The following SUMF1 variants were observed in gnomAD, a reference collection of about 807,000 sequenced individuals.
SUMF1 encodes formylglycine-generating enzyme.
Under a neutral mutation model 47.6 loss-of-function variants are expected in SUMF1, and 48 were observed. That is an observed-to-expected ratio of 1.01 (90% CI 0.80 to 1.28). The LOEUF (loss-of-function observed/expected upper bound fraction) is 1.28. Among genes scored for constraint, SUMF1 ranks in the 50% most tolerant of loss-of-function variants. SUMF1 has a pLI of 0.00. For synonymous variants in SUMF1, 230 were observed against 192.1 expected (o/e 1.20, Z -1.63); for missense variants, 571 against 485.4 (o/e 1.18, Z -1.66).
intron 8 of SUMF1, among the ~76,000 whole-genome samples, chr3:4,323,753 A>T (rs73014278): frequency 0.17 from 26,511 of 152,072 alleles, 2,484 homozygotes; most frequent in Middle Eastern, 0.23. Flanking sequence ...AAAACAAAAC[A>T]TAACTGTGCC....
At chr3:4,435,771 G>C (rs914014398) in intron 3 of SUMF1, among the ~76,000 whole-genome samples, 4 of 152,162 alleles carry the variant, frequency 2.6e-5, no homozygotes, top group Non-Finnish European at 5.9e-5. Flanking sequence ...TGCCAGCTCA[G>C]AAAATTCCCT....
chr3:4,146,422 T>C (rs980578613), intron 8 of SUMF1, among the ~76,000 whole-genome samples: 2 of 151,922 alleles, frequency 1.3e-5, no homozygotes, highest in East Asian at 1.9e-4. Flanking sequence ...GAAAGGTGAA[T>C]GGAGAAGTCT....
chr3:4,313,242 A>G (rs1381999483), intron 8 of SUMF1: 11 of 1,613,994 alleles, frequency 6.8e-6, no homozygotes, highest in Non-Finnish European at 9.3e-6. Flanking sequence ...TTGTCTGTGA[A>G]TATGCTGGTG....
intron 8 of SUMF1, among the ~76,000 whole-genome samples, chr3:4,074,738 G>A (rs1692380865): frequency 6.6e-6 from 1 of 152,024 alleles, no homozygotes; most frequent in African/African-American, 2.4e-5. Flanking sequence ...AGAAAATCTA[G>A]AAGAAATTGA....
intron 8 of SUMF1, among the ~76,000 whole-genome samples, chr3:4,262,096 A>G (rs1481182957): frequency 6.6e-6 from 1 of 152,132 alleles, no homozygotes; most frequent in African/African-American, 2.4e-5. Flanking sequence ...ATAAGCCAAA[A>G]TATGTCTATG....
chr3:4,196,833 C>A lies in SUMF1; in HGVS notation c.1015-128088G>T, dbSNP rs915120638. Among the ~76,000 whole-genome samples, 5 of 152,260 alleles carry A rather than the reference C, an allele frequency of 3.3e-5. No individual in the cohort carries two copies. In the Middle Eastern group the frequency reaches 0.014, roughly 414 times the overall value. On this transcript the variant is annotated intron_variant and NMD_transcript_variant, in intron 8 of 12. Transcript: ENST00000448413. The stretch of plus-strand genomic sequence containing the variant: ...ATTAAATACTAGGGAACCAGTGCCA[C>A]TTTTTGCTTCTTGCTTGCTGTGTTG...
At chr3:4,351,676 A>G (rs934162801) in intron 8 of SUMF1, among the ~76,000 whole-genome samples, 10 of 152,236 alleles carry the variant, frequency 6.6e-5, no homozygotes, top group Non-Finnish European at 1.2e-4. Context: ...TCATTTTAAA[A>G]AAGAAGTGAC....
chr3:4,305,993 T>C (rs1053388832), intron 8 of SUMF1, among the ~76,000 whole-genome samples: 13 of 152,366 alleles, frequency 8.5e-5, no homozygotes, highest in African/African-American at 3.1e-4. Context: ...ACCACTGTTC[T>C]AGTCCATTCT....
intron 9 of SUMF1, among the ~76,000 whole-genome samples, chr3:4,066,633 A>G (rs749049177): frequency 6.6e-6 from 1 of 152,092 alleles, no homozygotes; most frequent in African/African-American, 2.4e-5. Flanking sequence ...TCTGTTTTCT[A>G]AATTCCTTCC....
chr3:4,300,467 T>C (rs1484631598), intron 8 of SUMF1, among the ~76,000 whole-genome samples: 1 of 152,258 alleles, frequency 6.6e-6, no homozygotes. Context: ...TTATATCAGA[T>C]GTGTACTGCA....
At chr3:4,322,252 T>C (rs1164996702) in intron 8 of SUMF1, among the ~76,000 whole-genome samples, 1 of 152,142 alleles carries the variant, frequency 6.6e-6, no homozygotes, top group East Asian at 1.9e-4. Flanking sequence ...TAGTTAATGA[T>C]GTATCAATAT....
intron 8 of SUMF1, among the ~76,000 whole-genome samples, chr3:4,330,865 G>T (rs1424094414): frequency 6.6e-6 from 1 of 152,120 alleles, no homozygotes; most frequent in South Asian, 2.1e-4. Flanking sequence ...CAATCAGTTT[G>T]ATCACAAAGT....
rs139945009 is a variant in SUMF1 at position 4,244,467 on chromosome 3, T to C, written c.1014+131863A>G. On this transcript the variant is annotated intron_variant and NMD_transcript_variant, in intron 8 of 12. Coordinates refer to the SUMF1 transcript ENST00000448413. ...AGGCAGGCCTGGTGGTGACAAAATC[T>C]CTCAGCATTTGCTTGTCTTAAAGGA... 6.9e-3 allele frequency among the ~76,000 whole-genome samples: 1,052 copies of C among 152,288 alleles called. 12 individuals are homozygous for C. Among genetic ancestry groups the C allele is most frequent in the African/African-American group, 0.024 (995 of 41,544 alleles).
rs6804821 is a variant in SUMF1, at chr3:4,253,702, G to C, written c.1014+122628C>G. 6.1e-3 allele frequency among the ~76,000 whole-genome samples: 910 copies of C among 148,244 alleles called. 6 individuals carry two copies. Among genetic ancestry groups the C allele is most frequent in the East Asian group, 0.022 (110 of 5,102 alleles). ...GCTGGGGGAGGGGCGCCCGCCATTG[G>C]CCAGGCTTGATTAGGTAAACAAAGC... On this transcript the variant is annotated intron_variant and NMD_transcript_variant, in intron 8 of 12. Transcript: ENST00000448413.
intron 8 of SUMF1, among the ~76,000 whole-genome samples, chr3:4,211,187 TAC>T (rs1380701695): frequency 5.3e-5 from 4 of 76,160 alleles, no homozygotes; most frequent in African/African-American, 2.2e-4. Flanking sequence ...TATATACATA[TAC>T]ATATACATAC....
rs183505642 is a variant in SUMF1, at chr3:4,261,438, G to A, written c.1014+114892C>T. Among the ~76,000 whole-genome samples, 21 of 152,260 alleles carry A rather than the reference G, an allele frequency of 1.4e-4. No homozygotes were observed. In the East Asian group the frequency reaches 4.1e-3, roughly 29 times the overall value. On this transcript the variant is annotated intron_variant and NMD_transcript_variant, in intron 8 of 12. Coordinates refer to the SUMF1 transcript ENST00000448413. ...CTTAAATGTCTGCCTTTGATGCTTT[G>A]CTGTCTAACTGGGAACTGAATTTGC... is the stretch of plus-strand genomic sequence containing the variant.
At position 4,418,076 on chromosome 3, in the gene SUMF1, C is replaced by G. The variant is rs1575197564; in HGVS notation, c.659G>C (p.Trp220Ser). ...SWNDAVAYCT[W>S]AGKRLPTEAE... Reference sequence around the variant, plus strand: ...TTCCGTGGGCAGCCGCTTCCCTGCCCAAGTGCAGTAGGCAACCGCATCATT... The same window carrying G: ...TTCCGTGGGCAGCCGCTTCCCTGCCGAAGTGCAGTAGGCAACCGCATCATT... The change falls in exon 5 of 9, where the codon TGG (tryptophan) becomes TCG (serine). Residue 220 changes from tryptophan to serine, a missense_variant. By Grantham distance (177) the Trp-to-Ser change is radical. Coordinates refer to ENST00000272902, the MANE Select transcript of SUMF1 (RefSeq NM_182760.4). The G allele has an allele frequency of 6.2e-7, 1 of 1,614,074 alleles. No homozygotes were observed. Among genetic ancestry groups the G allele is most frequent in the East Asian group, 2.2e-5 (1 of 44,882 alleles).
intron 8 of SUMF1, among the ~76,000 whole-genome samples, chr3:4,191,455 G>A (rs1296656778): frequency 6.6e-6 from 1 of 152,132 alleles, no homozygotes; most frequent in Non-Finnish European, 1.5e-5. Context: ...AAAAAGTTAA[G>A]ATTTAATCTC....
intron 8 of SUMF1, chr3:4,303,609 T>C (rs1698044975): frequency 1.5e-6 from 2 of 1,377,062 alleles, no homozygotes; most frequent in Non-Finnish European, 1.9e-6. Context: ...TGGGACGGCC[T>C]CCCAGTCGCG....
Sources: gnomAD v4.1 joint callset for allele counts (sites outside exome capture counted in the v4.1 genomes callset) on GRCh38, gnomAD v4.1.1 for gene constraint, MANE v1.5 for transcripts, NCBI Gene and HGNC (gene_info 2026-07-23, HGNC 2026-07-21) for gene names.